SYN3: variants seen among roughly 807,000 people sequenced by gnomAD.
SYN3 encodes the protein synapsin-3.
A neutral mutation model predicts 65.8 loss-of-function variants in SYN3; 35 were observed. The ratio of observed to expected loss-of-function variants is 0.53; its 90% CI spans 0.41 to 0.70. The LOEUF (loss-of-function observed/expected upper bound fraction) is 0.70. Ranked by LOEUF, SYN3 falls within the 30% of genes least tolerant of loss-of-function variation. The pLI is 0.00. For synonymous variants in SYN3, 270 were observed against 292.9 expected, an observed-to-expected ratio of 0.92 and a Z score of 0.80; for missense variants, 680 against 749.0, an observed-to-expected ratio of 0.91 and a Z score of 1.08.
intron 6 of SYN3, among the ~76,000 whole-genome samples, chr22:32,710,074 T>TGC (rs1196123268): frequency 1.2e-5 from 1 of 84,574 alleles, no homozygotes; most frequent in Non-Finnish European, 2.3e-5. Context: ...TATATATATA[T>TGC]GCACACACAC....
chr22:32,662,166 T>A (rs1396187472), intron 6 of SYN3, among the ~76,000 whole-genome samples: 1 of 152,196 alleles, frequency 6.6e-6, no homozygotes, highest in African/African-American at 2.4e-5. Context: ...TTTCCAGGTA[T>A]TCCCCCTATG....
intron 6 of SYN3, among the ~76,000 whole-genome samples, chr22:32,617,293 A>T (rs879424588): frequency 3.3e-5 from 5 of 152,112 alleles, no homozygotes; most frequent in Admixed American, 3.3e-4. Flanking sequence ...ATGAAAGGAC[A>T]TGGTGTCTTG....
chr22:33,040,441 A>C lies in SYN3; in HGVS notation c.-163+17851T>G, dbSNP rs149427185. On this transcript the variant is annotated intron_variant, in intron 1 of 13. Coordinates refer to ENST00000358763, the MANE Select transcript of SYN3 (RefSeq NM_003490.4). ...TGGACCACAGCAAAACTATGCATCC[A>C]CTGCTCTCCATGCATCCAATTAGTT... is the stretch of plus-strand genomic sequence containing the variant. Among the ~76,000 whole-genome samples the C allele has an allele frequency of 1.1e-4, 17 of 152,310 alleles. No homozygotes were observed. The East Asian group carries it at 3.3e-3, about 29-fold the overall frequency.
intron 1 of SYN3, among the ~76,000 whole-genome samples, chr22:33,043,968 G>A (rs893992605): frequency 3.3e-5 from 5 of 151,920 alleles, no homozygotes; most frequent in South Asian, 2.1e-4. Flanking sequence ...CAGGAGAATC[G>A]CTTCAACCTG....
intron 9 of SYN3, among the ~76,000 whole-genome samples, chr22:32,536,423 CTT>C (rs2058166513): frequency 8.2e-6 from 1 of 121,988 alleles, no homozygotes; most frequent in Non-Finnish European, 1.7e-5. Flanking sequence ...TGCACTCTGA[CTT>C]GGGTATTACT....
intron 6 of SYN3, among the ~76,000 whole-genome samples, chr22:32,695,319 C>T (rs1454245586): frequency 2.6e-5 from 4 of 152,052 alleles, no homozygotes; most frequent in Non-Finnish European, 5.9e-5. Flanking sequence ...TAATTTTCTC[C>T]TCTGTAATGG....
intron 6 of SYN3, among the ~76,000 whole-genome samples, chr22:32,763,624 G>T (rs2045546161): frequency 6.6e-6 from 1 of 152,232 alleles, no homozygotes; most frequent in African/African-American, 2.4e-5. Context: ...TAGCCATGCA[G>T]TACTGCCCGG....
chr22:32,917,654 C>T (rs1210365331), intron 4 of SYN3, among the ~76,000 whole-genome samples: 2 of 152,180 alleles, frequency 1.3e-5, no homozygotes, highest in Admixed American at 6.5e-5. Context: ...GTCAGCGGGG[C>T]GCAGCCAGCG....
At chr22:32,841,658 G>A (rs1363638421) in intron 6 of SYN3, among the ~76,000 whole-genome samples, 3 of 145,458 alleles carry the variant, frequency 2.1e-5, no homozygotes, top group Admixed American at 7.1e-5. Flanking sequence ...ATCAGGGAGG[G>A]GAACAACATA....
chr22:32,756,157 C>T (rs969795742), intron 6 of SYN3, among the ~76,000 whole-genome samples: 3 of 151,778 alleles, frequency 2.0e-5, no homozygotes, highest in Admixed American at 1.3e-4. Context: ...CACCATGGCA[C>T]GTGTATACCT....
intron 6 of SYN3, chr22:32,857,179 A>C: frequency 8.7e-7 from 1 of 1,143,640 alleles, no homozygotes. Context: ...CATACCCAGC[A>C]GTGGGATTAG....
chr22:32,569,561 C>CTGTATATATATATATATATA (rs1458371419), intron 7 of SYN3, among the ~76,000 whole-genome samples: 7 of 51,736 alleles, frequency 1.4e-4, no homozygotes, highest in African/African-American at 4.1e-4. Flanking sequence ...CTCTCTCTCT[C>CTGTATATATATATATATATA]TCTCTCTCTC....
At chr22:32,879,774 A>G (rs915401560) in intron 4 of SYN3, among the ~76,000 whole-genome samples, 11 of 152,390 alleles carry the variant, frequency 7.2e-5, no homozygotes, top group Admixed American at 2.0e-4. Context: ...TAGGTACTCA[A>G]GGGATCCACA....
At position 32,518,093 on chromosome 22, in the gene SYN3, G is replaced by A; in HGVS notation, c.1560C>T (p.Ser520=). The change falls in exon 13 of 14, where the codon TCC becomes TCT. Residue 520 remains serine, a synonymous_variant. Transcript: ENST00000358763. ...PRPPVQGRST[S]QQGEESKKPA... is the part of the protein sequence containing the mutation. ...GCTTCTTGGACTCTTCACCCTGCTG[G>A]GAGGTACTACGGCCCTGCACAGGGG... 6.4e-7 allele frequency: 1 copy of A among 1,554,684 alleles called. No homozygotes were observed. Among genetic ancestry groups the A allele is most frequent in the Non-Finnish European group, 8.7e-7 (1 of 1,153,292 alleles).
At chr22:32,889,730 T>A (rs920681620) in intron 4 of SYN3, among the ~76,000 whole-genome samples, 12 of 152,140 alleles carry the variant, frequency 7.9e-5, no homozygotes, top group African/African-American at 2.9e-4. Flanking sequence ...GATCTTTTTA[T>A]TGAGTATCTA....
At position 32,898,398 on chromosome 22, in the gene SYN3, G is replaced by T. The variant is rs74279802; in HGVS notation, c.462-29273C>A. 7.1e-3 allele frequency among the ~76,000 whole-genome samples: 1,077 copies of T among 152,278 alleles called. 6 individuals are homozygous for T. The highest frequency in any genetic ancestry group is 0.025 in the East Asian group (130 of 5,178). ...CCCCAGTTTCCTTGTCTATGTAAGG[G>T]GGATGATTACATGTGCCCAGAGTTC... On this transcript the variant is annotated intron_variant, in intron 4 of 13. Coordinates refer to ENST00000358763, the MANE Select transcript of SYN3 (RefSeq NM_003490.4).
chr22:32,559,648 A>AC (rs11442095), intron 7 of SYN3, among the ~76,000 whole-genome samples: 37,430 of 151,846 alleles, frequency 0.25, 5,078 homozygotes, highest in Admixed American at 0.33. Context: ...ACACGGTGAA[A>AC]CCCCATCTCT....
intron 1 of SYN3, among the ~76,000 whole-genome samples, chr22:33,037,206 C>T (rs2053878441): frequency 6.6e-6 from 1 of 152,130 alleles, no homozygotes; most frequent in South Asian, 2.1e-4. Context: ...TATGGCAATC[C>T]TTTGTTATTA....
rs12159558 is a variant in SYN3, at chr22:32,586,018, A to T, written c.774+10656T>A. On this transcript the variant is annotated intron_variant, in intron 7 of 13. Transcript: ENST00000358763. ...TATATATGTATGTATGTATACGTAT[A>T]TATGTATGTATGTATATATGTATAT... Among the ~76,000 whole-genome samples the T allele has an allele frequency of 1.6e-3, 221 of 142,020 alleles. 2 individuals carry two copies. Among genetic ancestry groups the T allele is most frequent in the African/African-American group, 5.9e-3 (214 of 36,058 alleles). The allele number at this position is 142,020 out of a possible 152,430, so 93.2% of individuals were successfully genotyped here. A position where few individuals can be genotyped will look rare whatever the true frequency, so the allele number is the denominator to read the frequency against.
Sources: allele counts gnomAD v4.1 joint callset (sites outside exome capture counted in the v4.1 genomes callset), GRCh38; gene constraint gnomAD v4.1.1; transcripts MANE v1.5; gene names NCBI Gene and HGNC (gene_info 2026-07-23, HGNC 2026-07-21).